Variants in PRKN observed in about 807,000 individuals in gnomAD.
PRKN encodes the protein E3 ubiquitin-protein ligase parkin.
In PRKN, 56 loss-of-function variants were observed where a neutral mutation model predicts 59.5. That is an observed-to-expected ratio of 0.94 (90% CI 0.76 to 1.18). The LOEUF (loss-of-function observed/expected upper bound fraction) is 1.18. PRKN is among the 50% of genes most tolerant of loss of function. The pLI is 0.00. For synonymous variants in PRKN, 250 were observed against 222.1 expected, an observed-to-expected ratio of 1.13 and a Z score of -1.12; for missense variants, 657 against 596.4, an observed-to-expected ratio of 1.10 and a Z score of -1.06.
Position 161,518,693 on chromosome 6 carries a change from T to C in PRKN, c.1083+30161A>G, listed in dbSNP as rs1031845536. Among the ~76,000 whole-genome samples, 27 of 152,284 alleles carry C rather than the reference T, an allele frequency of 1.8e-4. No homozygotes were observed. Among genetic ancestry groups the C allele is most frequent in the African/African-American group, 6.3e-4 (26 of 41,560 alleles). On this transcript the variant is annotated intron_variant, in intron 9 of 11. Transcript: ENST00000366898. This position sits in a 1 kb window ranked among gnomAD's most constrained non-coding sequence, Gnocchi z 5.0. ...ACCACGGCTCCTGTCCAGGGGCCCA[T>C]TGCAAGTTTCCACACATCCTCCTGC... is the stretch of plus-strand genomic sequence containing the variant.
chr6:162,619,286 G>A (rs1391224636), intron 1 of PRKN, among the ~76,000 whole-genome samples: 1 of 150,236 alleles, frequency 6.7e-6, no homozygotes, highest in Non-Finnish European at 1.5e-5. Context: ...GGGACTACAG[G>A]CATGCACCAC....
At chr6:162,489,716 A>G (rs1403898778) in intron 1 of PRKN, among the ~76,000 whole-genome samples, 1 of 152,096 alleles carries the variant, frequency 6.6e-6, no homozygotes, top group Non-Finnish European at 1.5e-5. Flanking sequence ...ATTATTTCCA[A>G]TTTGCCTTCT....
chr6:161,699,895 T>C (rs1322051960), intron 7 of PRKN, among the ~76,000 whole-genome samples: 1 of 152,176 alleles, frequency 6.6e-6, no homozygotes, highest in Admixed American at 6.6e-5. Context: ...CATAATCCTT[T>C]GTTTTTCCCT....
chr6:162,224,276 C>T (rs1275410202), intron 3 of PRKN, among the ~76,000 whole-genome samples: 1 of 152,114 alleles, frequency 6.6e-6, no homozygotes, highest in Non-Finnish European at 1.5e-5. Flanking sequence ...GGTATTTTTA[C>T]TGTACTTTTT....
intron 6 of PRKN, among the ~76,000 whole-genome samples, chr6:161,897,977 A>AC (rs1777718417): frequency 5.0e-5 from 7 of 139,802 alleles, no homozygotes; most frequent in Non-Finnish European, 1.1e-4. Context: ...AAAAAAAAAA[A>AC]AAAAAAAGTC....
chr6:162,095,908 G>A (rs1779706137), intron 4 of PRKN, among the ~76,000 whole-genome samples: 1 of 152,142 alleles, frequency 6.6e-6, no homozygotes, highest in South Asian at 2.1e-4. Context: ...TCATCGAGAG[G>A]ATAAAGTTAA....
chr6:162,425,623 A>C (rs1446085116), intron 2 of PRKN, among the ~76,000 whole-genome samples: 3 of 152,214 alleles, frequency 2.0e-5, no homozygotes, highest in South Asian at 2.1e-4. Flanking sequence ...AAAATGGCCC[A>C]AAAATGGTAC....
At chr6:162,232,931 T>TA (rs5881463) in intron 3 of PRKN, among the ~76,000 whole-genome samples, 124 of 148,738 alleles carry the variant, frequency 8.3e-4, no homozygotes, top group African/African-American at 2.1e-3. Flanking sequence ...TATGTTTGGG[T>TA]AAAAAAAAAA....
At chr6:161,632,566 G>A (rs1043303182) in intron 7 of PRKN, among the ~76,000 whole-genome samples, 1 of 152,154 alleles carries the variant, frequency 6.6e-6, no homozygotes, top group Non-Finnish European at 1.5e-5. Flanking sequence ...CCAGTTGTCT[G>A]AAAAATGTAT....
At chr6:162,078,387 T>C (rs1045477807) in intron 4 of PRKN, among the ~76,000 whole-genome samples, 3 of 152,074 alleles carry the variant, frequency 2.0e-5, no homozygotes, top group African/African-American at 4.8e-5. Context: ...TTCATAGAAG[T>C]ATTAGTAATT....
At chr6:162,146,427 TA>T (rs1782028663) in intron 4 of PRKN, among the ~76,000 whole-genome samples, 2 of 150,976 alleles carry the variant, frequency 1.3e-5, no homozygotes, top group African/African-American at 4.9e-5. Context: ...AAATGTTTAG[TA>T]AATATATATA....
rs987361985 is a variant in PRKN, at chr6:161,561,768, G to A, written c.933+7587C>T. Among the ~76,000 whole-genome samples, 1 of 152,088 alleles carries A rather than the reference G, an allele frequency of 6.6e-6. No homozygotes were observed. The highest frequency in any genetic ancestry group is 6.5e-5 in the Admixed American group (1 of 15,270). ...AATCCTTCCTGTGAGTGTAAAACAAGTTCTGGCCCTTCGATCTTTAAAGAA... is the reference window on the plus strand; with the variant it reads ...AATCCTTCCTGTGAGTGTAAAACAAATTCTGGCCCTTCGATCTTTAAAGAA... On this transcript the variant is annotated intron_variant, in intron 8 of 11. Transcript: ENST00000366898. This position sits in a 1 kb window ranked among gnomAD's most constrained non-coding sequence, Gnocchi z 5.0.
intron 5 of PRKN, among the ~76,000 whole-genome samples, chr6:162,047,771 T>C (rs1461349997): frequency 6.6e-6 from 1 of 152,198 alleles, no homozygotes; most frequent in Non-Finnish European, 1.5e-5. Flanking sequence ...TGCTCAGTAT[T>C]AGGAGACTTA....
intron 4 of PRKN, among the ~76,000 whole-genome samples, chr6:162,106,275 A>G (rs1382072099): frequency 6.6e-6 from 1 of 152,186 alleles, no homozygotes; most frequent in East Asian, 1.9e-4. Flanking sequence ...GTGAATGTGC[A>G]TATTTTAATG....
Position 161,545,538 on chromosome 6 carries a change from C to T in PRKN, c.1083+3316G>A. On this transcript the variant is annotated intron_variant, in intron 9 of 11. Coordinates refer to ENST00000366898, the MANE Select transcript of PRKN (RefSeq NM_004562.3). This position sits in a 1 kb window ranked among gnomAD's most constrained non-coding sequence, Gnocchi z 4.1. Reference sequence around the variant, plus strand: ...TGACATAATCTAACCACAATTTCTTCCAGACAATGGCTTTCCATTACACTC... The same window carrying T: ...TGACATAATCTAACCACAATTTCTTTCAGACAATGGCTTTCCATTACACTC... 2 of 869,408 alleles carry T rather than the reference C, an allele frequency of 2.3e-6. No homozygotes were observed. Among genetic ancestry groups the T allele is most frequent in the East Asian group, 2.5e-5 (1 of 39,382 alleles). The allele number at this position is 869,408 out of a possible 1,614,324, so 53.9% of individuals were successfully genotyped here. A position where few individuals can be genotyped will look rare whatever the true frequency, so the allele number is the denominator to read the frequency against.
Position 161,397,514 on chromosome 6 carries a change from CA to C in PRKN, c.1084-10638del, listed in dbSNP as rs1786818426. Among the ~76,000 whole-genome samples the C allele has an allele frequency of 6.6e-6, 1 of 152,202 alleles. No individual in the cohort carries two copies. The highest frequency in any genetic ancestry group is 2.4e-5 in the African/African-American group (1 of 41,436). On this transcript the variant is annotated intron_variant, in intron 9 of 11. Coordinates refer to ENST00000366898, the MANE Select transcript of PRKN (RefSeq NM_004562.3). The surrounding 1 kb of genome is among the most constrained non-coding windows in gnomAD (Gnocchi z 4.2). Reference sequence around the variant, plus strand: ...GCTTAATTGACTGCCTCTCTTCTAACAACTTCTCAAAATCTATTCCACCCTT... The same window carrying C: ...GCTTAATTGACTGCCTCTCTTCTAACACTTCTCAAAATCTATTCCACCCTT...
intron 7 of PRKN, among the ~76,000 whole-genome samples, chr6:161,761,981 A>C (rs976012180): frequency 6.6e-5 from 10 of 152,242 alleles, no homozygotes; most frequent in African/African-American, 2.4e-4. Context: ...GGTGGAGGAC[A>C]GGACATATCT....
intron 4 of PRKN, among the ~76,000 whole-genome samples, chr6:162,168,536 CATCATTCTA>C (rs983654545): frequency 1.0e-5 from 1 of 96,412 alleles, no homozygotes; most frequent in Non-Finnish European, 1.9e-5. Context: ...GGCTTTCATC[CATCATTCTA>C]ATCTGTTTTA....
At position 161,913,986 on chromosome 6, in the gene PRKN, T is replaced by TG. The variant is rs200294995; in HGVS notation, c.734+59315dup. On this transcript the variant is annotated intron_variant, in intron 6 of 11. Transcript: ENST00000366898. ...TTCCAATCGGCTGGAGCCTTCGACTTGGACTTCATACCCTCCAGAATTGTG... is the reference window on the plus strand; with the variant it reads ...TTCCAATCGGCTGGAGCCTTCGACTTGGGACTTCATACCCTCCAGAATTGTG... 6.6e-3 allele frequency among the ~76,000 whole-genome samples: 1,004 copies of TG among 152,318 alleles called. 3 individuals are homozygous for TG. Among genetic ancestry groups the TG allele is most frequent in the Admixed American group, 0.015 (230 of 15,300 alleles).
Sources: allele counts gnomAD v4.1 joint callset (sites outside exome capture counted in the v4.1 genomes callset), GRCh38; gene constraint gnomAD v4.1.1; non-coding constraint Gnocchi (gnomAD v3.1); transcripts MANE v1.5; gene names NCBI Gene and HGNC (gene_info 2026-07-23, HGNC 2026-07-21).